FAM117A: variants seen among roughly 807,000 people sequenced by gnomAD.
FAM117A encodes protein FAM117A.
Under a neutral mutation model 44.1 loss-of-function variants are expected in FAM117A, and 21 were observed. The ratio of observed to expected loss-of-function variants is 0.48; its 90% CI spans 0.34 to 0.69. The LOEUF (loss-of-function observed/expected upper bound fraction) is 0.69. Among genes scored for constraint, FAM117A ranks in the 30% least tolerant of loss-of-function variants. FAM117A has a pLI of 0.01. For missense variants in FAM117A, 498 were observed against 589.9 expected, an observed-to-expected ratio of 0.84 and a Z score of 1.61; for synonymous variants, 220 against 238.3, an observed-to-expected ratio of 0.92 and a Z score of 0.71.
intron 7 of FAM117A, among the ~76,000 whole-genome samples, chr17:49,714,695 G>T (rs556861987): frequency 1.0e-4 from 15 of 150,152 alleles, no homozygotes; most frequent in African/African-American, 3.2e-4. Context: ...TGCCCAGGCT[G>T]GAGTGCGGTG....
At chr17:49,726,136 T>C (rs1434929949) in intron 2 of FAM117A, among the ~76,000 whole-genome samples, 1 of 152,204 alleles carries the variant, frequency 6.6e-6, no homozygotes, top group African/African-American at 2.4e-5. Context: ...AAGTTTGAGG[T>C]AATTTGTTAA....
chr17:49,748,870 A>G (rs554646609), intron 1 of FAM117A, among the ~76,000 whole-genome samples: 2 of 152,322 alleles, frequency 1.3e-5, no homozygotes, highest in African/African-American at 4.8e-5. Flanking sequence ...AAACAGGTGC[A>G]TAACATGTGG....
At chr17:49,730,629 C>T (rs2143729487) in intron 2 of FAM117A, among the ~76,000 whole-genome samples, 1 of 152,308 alleles carries the variant, frequency 6.6e-6, no homozygotes, top group East Asian at 1.9e-4. Context: ...AGGAAGCCCT[C>T]CTTGACTACA....
At chr17:49,745,669 G>A (rs1306780475) in intron 1 of FAM117A, among the ~76,000 whole-genome samples, 2 of 152,194 alleles carry the variant, frequency 1.3e-5, no homozygotes, top group Non-Finnish European at 2.9e-5. Flanking sequence ...AAATACAGGG[G>A]ATAGAGGAGC....
At chr17:49,744,116 A>T (rs2073645195) in intron 1 of FAM117A, among the ~76,000 whole-genome samples, 1 of 152,206 alleles carries the variant, frequency 6.6e-6, no homozygotes, top group Non-Finnish European at 1.5e-5. Context: ...AACTTAAAAC[A>T]AACTGCCAGA....
chr17:49,721,155 AGGGATAGACACTCAAGAAG>A (rs1748664906), intron 3 of FAM117A, among the ~76,000 whole-genome samples: 1 of 152,228 alleles, frequency 6.6e-6, no homozygotes, highest in South Asian at 2.1e-4. Context: ...CACTAGGAAC[AGGGATAGACACTCAAGAAG>A]GGGATATTGG....
intron 1 of FAM117A, among the ~76,000 whole-genome samples, chr17:49,758,632 AAAAAT>A (rs1379608075): frequency 3.6e-5 from 5 of 137,662 alleles, no homozygotes; most frequent in African/African-American, 1.4e-4. Context: ...AAAAAAAAAA[AAAAAT>A]AAAATAAATA....
In FAM117A at chr17:49,735,904, T is replaced by C. The variant is rs187127644; in HGVS notation, c.197-3184A>G. Among the ~76,000 whole-genome samples, 78 of 152,360 alleles carry C rather than the reference T, an allele frequency of 5.1e-4. No homozygotes were observed. The East Asian group carries it at 0.014, about 27-fold the overall frequency. ...ATCATTCTCACTCAGCCATCATATA[T>C]GTGCTTATTTAAAACAAGTGAATAA... On this transcript the variant is annotated intron_variant, in intron 1 of 7. Coordinates refer to ENST00000240364, the MANE Select transcript of FAM117A (RefSeq NM_030802.4).
chr17:49,764,163 T>G (rs1046985949), upstream of FAM117A: 13 of 744,810 alleles, frequency 1.7e-5, no homozygotes, highest in Admixed American at 4.2e-4. Flanking sequence ...GCTGCTTATC[T>G]GCTGTACGGG....
chr17:49,788,531 T>C (rs549649526), exon 1 of FAM117A: 10 of 373,690 alleles, frequency 2.7e-5, no homozygotes, highest in Middle Eastern at 1.4e-3. Context: ...GTTCCACCAC[T>C]GGAGTCACTT....
intron 7 of FAM117A, among the ~76,000 whole-genome samples, chr17:49,714,673 G>A (rs2073494168): frequency 7.0e-6 from 1 of 143,642 alleles, no homozygotes; most frequent in Admixed American, 7.1e-5. Flanking sequence ...TTGAGATGGA[G>A]ACTCACTCTG....
At chr17:49,751,649 T>C (rs897944934) in intron 1 of FAM117A, among the ~76,000 whole-genome samples, 1 of 151,672 alleles carries the variant, frequency 6.6e-6, no homozygotes, top group Admixed American at 6.6e-5. Context: ...TATTAGAATA[T>C]TAAAGACTTC....
chr17:49,711,668 T>A (rs2073479266), intron 7 of FAM117A, 113 bp from the exon 8 acceptor site: 1 of 1,022,588 alleles, frequency 9.8e-7, no homozygotes, highest in Non-Finnish European at 1.4e-6. Flanking sequence ...GGGTCTCTGT[T>A]CAAACAGAAT....
At chr17:49,720,989 A>G (rs2073531578) in intron 3 of FAM117A, among the ~76,000 whole-genome samples, 1 of 152,202 alleles carries the variant, frequency 6.6e-6, no homozygotes, top group Admixed American at 6.5e-5. Flanking sequence ...CTGGGATTAC[A>G]GGCATGAGGC....
chr17:49,746,780 T>A (rs946607972), intron 1 of FAM117A, among the ~76,000 whole-genome samples: 5 of 152,194 alleles, frequency 3.3e-5, no homozygotes, highest in Non-Finnish European at 5.9e-5. Flanking sequence ...GAGGGTAGCT[T>A]GATCCCAAGG....
intron 1 of FAM117A, among the ~76,000 whole-genome samples, chr17:49,769,361 G>A (rs2073754308): frequency 6.6e-6 from 1 of 151,986 alleles, no homozygotes; most frequent in Non-Finnish European, 1.5e-5. Context: ...TATGGTGGAA[G>A]TTTTCAAACA....
chr17:49,749,791 A>G (rs999553862), intron 1 of FAM117A, among the ~76,000 whole-genome samples: 2 of 148,118 alleles, frequency 1.4e-5, no homozygotes, highest in African/African-American at 4.9e-5. Context: ...TGGGCACCCA[A>G]TCAGCTCTCA....
chr17:49,786,545 G>A (rs1266024554), intron 1 of FAM117A, among the ~76,000 whole-genome samples: 1 of 152,264 alleles, frequency 6.6e-6, no homozygotes, highest in East Asian at 1.9e-4. Flanking sequence ...GGGAGGCTGA[G>A]GCGGGTGGAT....
chr17:49,755,637 C>T lies in FAM117A; in HGVS notation c.196+8255G>A, dbSNP rs543903207. 1.8e-4 allele frequency among the ~76,000 whole-genome samples: 28 copies of T among 152,334 alleles called. No individual in the cohort carries two copies. In the South Asian group the frequency reaches 4.3e-3, roughly 24 times the overall value. On this transcript the variant is annotated intron_variant, in intron 1 of 7. Transcript: ENST00000240364. The stretch of plus-strand genomic sequence containing the variant: ...AGCAATGACATCTATGGAAATGCCA[C>T]GTCTTTGCCACCAACTGGGCTTCAA...
Sources: allele counts gnomAD v4.1 joint callset (sites outside exome capture counted in the v4.1 genomes callset), GRCh38; gene constraint gnomAD v4.1.1; transcripts MANE v1.5; gene names NCBI Gene and HGNC (gene_info 2026-07-23, HGNC 2026-07-21).